SETD7: variants seen among roughly 807,000 people sequenced by gnomAD.
SETD7 encodes the protein SET domain containing 7, histone lysine methyltransferase, also known as histone-lysine N-methyltransferase SETD7.
Under a neutral mutation model 41.8 loss-of-function variants are expected in SETD7, and 16 were observed. The ratio of observed to expected loss-of-function variants is 0.38; its 90% CI spans 0.26 to 0.58. SETD7 has a LOEUF of 0.58. Ranked by LOEUF, SETD7 falls within the 20% of genes least tolerant of loss-of-function variation. The pLI is 0.64. For synonymous variants in SETD7, 163 were observed against 169.7 expected (o/e 0.96, Z 0.31); for missense variants, 346 against 459.7 (o/e 0.75, Z 2.26).
chr4:139,542,111 A>T (rs1433687249), intron 2 of SETD7, among the ~76,000 whole-genome samples: 1 of 152,250 alleles, frequency 6.6e-6, no homozygotes, highest in East Asian at 1.9e-4. Context: ...CCTAGAGGAC[A>T]TCATGTAAAG....
intron 2 of SETD7, among the ~76,000 whole-genome samples, chr4:139,533,936 T>C (rs2081512980): frequency 6.6e-6 from 1 of 152,148 alleles, no homozygotes; most frequent in Admixed American, 6.5e-5. Flanking sequence ...GGAAGACATA[T>C]GGGGATTTAT....
At chr4:139,542,661 A>G (rs1023489193) in intron 2 of SETD7, among the ~76,000 whole-genome samples, 1 of 151,822 alleles carries the variant, frequency 6.6e-6, no homozygotes, top group Non-Finnish European at 1.5e-5. Context: ...AGCGGGGGGG[A>G]GCACTTTCAC....
Position 139,555,556 on chromosome 4 carries a change from G to A in SETD7, c.40+542C>T, listed in dbSNP as rs1402799707. On this transcript the variant is annotated intron_variant, in intron 1 of 7. Coordinates refer to ENST00000274031, the MANE Select transcript of SETD7 (RefSeq NM_030648.4). The surrounding 1 kb of genome is among the most constrained non-coding windows in gnomAD (Gnocchi z 4.0). ...ATCTTTTCGGAAGAGCTGCCGCCTG[G>A]GCCGCGGCTGCCACGTGCCTGGTCT... Among the ~76,000 whole-genome samples the A allele has an allele frequency of 1.3e-5, 2 of 152,110 alleles. No homozygotes were observed. Among genetic ancestry groups the A allele is most frequent in the Non-Finnish European group, 2.9e-5 (2 of 67,998 alleles).
chr4:139,556,187 C>T lies in SETD7; in HGVS notation c.-50G>A. On this transcript the variant is annotated 5_prime_UTR_variant, in exon 1 of 8. Transcript: ENST00000274031. ...CGGGGCTGCGCGGCTGCCTCCCGTC[C>T]CTCTGGGTGCTCCCGGCGGCTGAGC... The T allele has an allele frequency of 6.4e-7, 1 of 1,561,278 alleles. No individual in the cohort carries two copies.
downstream of SETD7, among the ~76,000 whole-genome samples, chr4:139,504,667 C>T (rs1726660324): frequency 6.6e-6 from 1 of 152,190 alleles, no homozygotes. Flanking sequence ...TATAAACTAG[C>T]AGTCTGAATG....
intron 2 of SETD7, chr4:139,546,646 C>A (rs1727956730): frequency 2.3e-6 from 1 of 436,214 alleles, no homozygotes; most frequent in Admixed American, 3.6e-5. Context: ...GACCATGTAA[C>A]CAACTTATGC....
downstream of SETD7, among the ~76,000 whole-genome samples, chr4:139,503,737 T>C (rs1191531208): frequency 6.6e-6 from 1 of 152,172 alleles, no homozygotes; most frequent in Non-Finnish European, 1.5e-5. Context: ...AAACTCATGA[T>C]GCAGATGAGG....
intron 2 of SETD7, among the ~76,000 whole-genome samples, chr4:139,544,797 A>AGAGTGTGTGT (rs368215626): frequency 6.9e-6 from 1 of 144,840 alleles, no homozygotes; most frequent in Admixed American, 6.9e-5. Flanking sequence ...CCAGATTTAA[A>AGAGTGTGTGT]GTGTGTGTGT....
In SETD7 at chr4:139,523,832, A is replaced by G. The variant is rs17050794; in HGVS notation, c.563-397T>C. On this transcript the variant is annotated intron_variant, in intron 4 of 7. Coordinates refer to ENST00000274031, the MANE Select transcript of SETD7 (RefSeq NM_030648.4). ...CAGATACAGTCTACAGAATCCAACA[A>G]CTGAACACTGGCAGTTGTCTCCTTC... 6.9e-3 allele frequency among the ~76,000 whole-genome samples: 1,052 copies of G among 152,322 alleles called. 13 individuals are homozygous for G. The highest frequency in any genetic ancestry group is 0.024 in the African/African-American group (982 of 41,564).
Position 139,517,774 on chromosome 4 carries a change from C to G in SETD7, c.920+111G>C, listed in dbSNP as rs962544909. ...AGGCCGATAGCAGAGGACCCATGGT[C>G]ATTCAGATGAAGCAGCCTTTATCTG... On this transcript the variant is annotated intron_variant, in intron 7 of 7. Transcript: ENST00000274031. 71 of 1,162,492 alleles carry G rather than the reference C, an allele frequency of 6.1e-5. No homozygotes were observed. In the African/African-American group the frequency reaches 1.0e-3, roughly 16 times the overall value. The allele number at this position is 1,162,492 out of a possible 1,614,324, so 72.0% of individuals were successfully genotyped here.
Position 139,506,344 on chromosome 4 carries a change from A to T in SETD7, c.*5319T>A, listed in dbSNP as rs1360643648. On this transcript the variant is annotated 3_prime_UTR_variant, in exon 8 of 8. Transcript: ENST00000274031. ...AGACCAAAGATGCTCGTTAACCGTG[A>T]TGGGGTTAACTTTTGGTTGCAATAA... The T allele has an allele frequency of 6.5e-6, 1 of 152,688 alleles. No individual in the cohort carries two copies. The highest frequency in any genetic ancestry group is 1.5e-5 in the Non-Finnish European group (1 of 68,048). The allele number at this position is 152,688 out of a possible 1,614,324, so 9.5% of individuals were successfully genotyped here.
chr4:139,556,211 G>A lies in SETD7; in HGVS notation c.-74C>T, dbSNP rs1473149976. ...CCCTCTGGGTGCTCCCGGCGGCTGA[G>A]CGAGCTCTGGGGCTCGCGAGTTTGG... On this transcript the variant is annotated 5_prime_UTR_variant, in exon 1 of 8. Coordinates refer to ENST00000274031, the MANE Select transcript of SETD7 (RefSeq NM_030648.4). 8 of 1,500,982 alleles carry A rather than the reference G, an allele frequency of 5.3e-6. No individual in the cohort carries two copies. Among genetic ancestry groups the A allele is most frequent in the Admixed American group, 2.0e-5 (1 of 48,984 alleles). 93.0% of individuals were successfully genotyped at this position (1,500,982 alleles called of 1,614,324 possible).
chr4:139,513,808 C>G (rs1726946766), intron 7 of SETD7, among the ~76,000 whole-genome samples: 1 of 152,202 alleles, frequency 6.6e-6, no homozygotes, highest in Non-Finnish European at 1.5e-5. Flanking sequence ...ATATAGAAAG[C>G]ACCTTATACA....
Position 139,555,188 on chromosome 4 carries a change from A to C in SETD7, c.40+910T>G, listed in dbSNP as rs1246681311. The stretch of plus-strand genomic sequence containing the variant: ...ATCGTTTTTTCAGAACTAACAAAAA[A>C]AAAAAAAAAAAGGTGGAGAAACTCA... On this transcript the variant is annotated intron_variant, in intron 1 of 7. Coordinates refer to ENST00000274031, the MANE Select transcript of SETD7 (RefSeq NM_030648.4). This position sits in a 1 kb window ranked among gnomAD's most constrained non-coding sequence, Gnocchi z 4.0. Among the ~76,000 whole-genome samples, 21 of 129,266 alleles carry C rather than the reference A, an allele frequency of 1.6e-4. No homozygotes were observed. Among genetic ancestry groups the C allele is most frequent in the African/African-American group, 4.4e-4 (17 of 38,658 alleles). 84.8% of individuals were successfully genotyped at this position (129,266 alleles called of 152,430 possible).
At chr4:139,539,224 C>T (rs563073474) in intron 2 of SETD7, among the ~76,000 whole-genome samples, 1 of 152,300 alleles carries the variant, frequency 6.6e-6, no homozygotes, top group Non-Finnish European at 1.5e-5. Context: ...CATAGCAATA[C>T]AATAACCGAG....
chr4:139,536,527 C>T (rs1727640485), intron 2 of SETD7, among the ~76,000 whole-genome samples: 2 of 152,102 alleles, frequency 1.3e-5, no homozygotes, highest in Admixed American at 1.3e-4. Context: ...CCCTGGCCAA[C>T]ATGGTGAAAC....
intron 1 of SETD7, among the ~76,000 whole-genome samples, chr4:139,552,559 C>T (rs373833680): frequency 8.4e-4 from 128 of 152,274 alleles, no homozygotes; most frequent in Non-Finnish European, 1.4e-3. Context: ...AGAGCCCCCA[C>T]GGCTTCCATG....
intron 1 of SETD7, chr4:139,548,026 G>T (rs1396215489): frequency 6.6e-6 from 1 of 152,162 alleles, no homozygotes; most frequent in Non-Finnish European, 1.5e-5. Flanking sequence ...CACCTTATTG[G>T]TGTCTTCCCA....
chr4:139,503,510 A>G (rs1236929778), downstream of SETD7, among the ~76,000 whole-genome samples: 1 of 152,170 alleles, frequency 6.6e-6, no homozygotes, highest in Non-Finnish European at 1.5e-5. Flanking sequence ...GTGTGGTAAC[A>G]GTACCTATAT....
Sources: allele counts gnomAD v4.1 joint callset (sites outside exome capture counted in the v4.1 genomes callset), GRCh38; gene constraint gnomAD v4.1.1; non-coding constraint Gnocchi (gnomAD v3.1); transcripts MANE v1.5; gene names NCBI Gene and HGNC (gene_info 2026-07-23, HGNC 2026-07-21).